Variants in HMCN1 observed in about 807,000 individuals in gnomAD.
The protein encoded by HMCN1 is hemicentin 1, also known as hemicentin-1.
In HMCN1, 321 loss-of-function variants were observed where a neutral mutation model predicts 625.9. The ratio of observed to expected loss-of-function variants is 0.51; its 90% confidence interval spans 0.47 to 0.56. The LOEUF (loss-of-function observed/expected upper bound fraction) is 0.56. Among genes scored for constraint, HMCN1 ranks in the 20% least tolerant of loss-of-function variants. HMCN1 has a pLI of 0.00. For synonymous variants in HMCN1, 2,425 were observed against 2,417.6 expected, an observed-to-expected ratio of 1.00 and a Z score of -0.09; for missense variants, 6,588 against 6,887.3, an observed-to-expected ratio of 0.96 and a Z score of 1.54.
chr1:185,980,431 C>A (rs1474020859), intron 16 of HMCN1, among the ~76,000 whole-genome samples: 1 of 152,198 alleles, frequency 6.6e-6, no homozygotes, highest in Non-Finnish European at 1.5e-5. Flanking sequence ...ATGAAATACA[C>A]ACATTTCAGT....
intron 35 of HMCN1, among the ~76,000 whole-genome samples, chr1:186,021,698 G>A (rs761957783): frequency 6.6e-6 from 1 of 152,050 alleles, no homozygotes; most frequent in Non-Finnish European, 1.5e-5. Flanking sequence ...ATCATTTGGG[G>A]TCAGAATGTG....
intron 35 of HMCN1, among the ~76,000 whole-genome samples, chr1:186,022,549 G>A (rs1654792050): frequency 6.6e-6 from 1 of 152,070 alleles, no homozygotes; most frequent in Non-Finnish European, 1.5e-5. Flanking sequence ...AGTTGCAGTA[G>A]GTTTAAGAGG....
chr1:186,000,378 G>T, intron 26 of HMCN1, 139 bp downstream of exon 26: 1 of 669,930 alleles, frequency 1.5e-6, no homozygotes, highest in Non-Finnish European at 2.6e-6. Flanking sequence ...TGGTATGATT[G>T]CATTTATTAT....
At chr1:185,937,359 A>T (rs1426929947) in intron 11 of HMCN1, among the ~76,000 whole-genome samples, 3 of 152,166 alleles carry the variant, frequency 2.0e-5, no homozygotes, top group Admixed American at 2.0e-4. Flanking sequence ...TTGCATCAGC[A>T]CATGGTGGAA....
intron 1 of HMCN1, among the ~76,000 whole-genome samples, chr1:185,782,544 G>C (rs538433882): frequency 6.6e-6 from 1 of 152,230 alleles, no homozygotes; most frequent in Non-Finnish European, 1.5e-5. Context: ...CAGGCCTGGT[G>C]GTGACAAAAT....
chr1:186,160,808 T>G (rs1362569297), intron 97 of HMCN1, among the ~76,000 whole-genome samples: 3 of 151,342 alleles, frequency 2.0e-5, no homozygotes, highest in African/African-American at 7.4e-5. Context: ...ATCTCTGTTC[T>G]TTTACATTTG....
At chr1:185,835,892 A>C (rs1484157327) in intron 1 of HMCN1, among the ~76,000 whole-genome samples, 1 of 152,192 alleles carries the variant, frequency 6.6e-6, no homozygotes, top group African/African-American at 2.4e-5. Context: ...AAGTCTGAAC[A>C]GTGTTTCATT....
rs115358072 is a variant in HMCN1, at chr1:185,998,681, T to G, written c.3874+1157T>G. Among the ~76,000 whole-genome samples, 682 of 152,256 alleles carry G rather than the reference T, an allele frequency of 4.5e-3. 1 individual carries two copies. The highest frequency in any genetic ancestry group is 0.016 in the African/African-American group (656 of 41,556). ...CCTAGAAAAACATCTCTTCCTTACT[T>G]CCTCATTTTCACCTGGAATATAATG... is the stretch of plus-strand genomic sequence containing the variant. On this transcript the variant is annotated intron_variant, in intron 25 of 106. Transcript: ENST00000271588.
At chr1:185,887,222 A>T (rs981552856) in intron 4 of HMCN1, among the ~76,000 whole-genome samples, 1 of 152,146 alleles carries the variant, frequency 6.6e-6, no homozygotes, top group East Asian at 1.9e-4. Flanking sequence ...AAAATATGTT[A>T]TGACACATTT....
rs41533044 is a variant in HMCN1 at position 185,922,253 on chromosome 1, T to G, written c.901-126T>G. The G allele has an allele frequency of 0.015, 15,713 of 1,032,452 alleles. 1,490 individuals are homozygous for G. The African/African-American group carries it at 0.21, about 14-fold the overall frequency. 64.0% of individuals were successfully genotyped at this position (1,032,452 alleles called of 1,614,324 possible). A position where few individuals can be genotyped will look rare whatever the true frequency, so the allele number is the denominator to read the frequency against. On this transcript the variant is annotated intron_variant, in intron 6 of 106. Transcript: ENST00000271588. ...TCCTAGTTATGTTGAGAACATCAGA[T>G]CAGAGCCTCAGTTTTTGGACATCGA... is the stretch of plus-strand genomic sequence containing the variant.
At chr1:186,044,285 C>T (rs150371877) in intron 40 of HMCN1, among the ~76,000 whole-genome samples, 7 of 152,208 alleles carry the variant, frequency 4.6e-5, no homozygotes, top group African/African-American at 9.6e-5. Context: ...GCAGAAGGAA[C>T]GAAGGAACAT....
In HMCN1 at chr1:185,911,754, C is replaced by T; in HGVS notation, c.874C>T (p.Pro292Ser). The T allele has an allele frequency of 6.2e-7, 1 of 1,612,546 alleles. No homozygotes were observed. Among genetic ancestry groups the T allele is most frequent in the East Asian group, 2.2e-5 (1 of 44,838 alleles). The change falls in exon 6 of 107, where the codon CCA (proline) becomes TCA (serine). Residue 292 changes from proline (P) to serine (S), a missense_variant. This residue lies in a region of HMCN1 where 4,628 missense variants were observed against 4,853.1 expected (regional missense o/e 0.95). Coordinates refer to ENST00000271588, the MANE Select transcript of HMCN1 (RefSeq NM_031935.3). ...TGCCAAAGTAGTGAATGTGAAAGAG[C>T]CAGAGGCTGGAATGTGGACAGTGAA... ...NSAKVVNVKEPEAGMWTVKTS... is the reference protein window; with the variant it reads ...NSAKVVNVKESEAGMWTVKTS...
intron 97 of HMCN1, among the ~76,000 whole-genome samples, chr1:186,159,651 G>T (rs1328125579): frequency 6.6e-6 from 1 of 152,148 alleles, no homozygotes. Flanking sequence ...TTTTGTCAAA[G>T]GCCTTTTCTG....
chr1:185,880,101 A>C (rs1209250617), intron 4 of HMCN1, among the ~76,000 whole-genome samples: 1 of 152,116 alleles, frequency 6.6e-6, no homozygotes, highest in Non-Finnish European at 1.5e-5. Flanking sequence ...ACTTTCATCA[A>C]ATAGAGTTGT....
chr1:185,959,497 A>G (rs1341360200), intron 11 of HMCN1, among the ~76,000 whole-genome samples: 1 of 152,168 alleles, frequency 6.6e-6, no homozygotes, highest in Non-Finnish European at 1.5e-5. Flanking sequence ...ATTGATAGGA[A>G]ATTACAAAAA....
Position 186,069,685 on chromosome 1 carries a change from C to T in HMCN1, c.7902C>T (p.Leu2634=), listed in dbSNP as rs778565039. The change falls in exon 51 of 107, where the codon CTC becomes CTT. Residue 2634 remains leucine, a synonymous_variant. Coordinates refer to ENST00000271588, the MANE Select transcript of HMCN1 (RefSeq NM_031935.3). Reference sequence around the variant, plus strand: ...CAGGAGGCAGAACTCTGCAGATCCTCAATGCACAGGAGGACAATGCTGGAA... The same window carrying T: ...CAGGAGGCAGAACTCTGCAGATCCTTAATGCACAGGAGGACAATGCTGGAA... The part of the protein sequence containing the change: ...ILPGGRTLQI[L]NAQEDNAGRY... The T allele has an allele frequency of 1.2e-6, 2 of 1,612,572 alleles. No homozygotes were observed. Among genetic ancestry groups the T allele is most frequent in the South Asian group, 2.2e-5 (2 of 90,576 alleles).
Position 186,136,004 on chromosome 1 carries a change from C to T in HMCN1, c.13313-664C>T, listed in dbSNP as rs535851322. Among the ~76,000 whole-genome samples, 15 of 152,156 alleles carry T rather than the reference C, an allele frequency of 9.9e-5. No homozygotes were observed. In the South Asian group the frequency reaches 3.1e-3, roughly 32 times the overall value. The stretch of plus-strand genomic sequence containing the variant: ...TACATGTTTATTGAATAAATGATGG[C>T]CAGTGGTAAAAGAATGAGTTAATTA... On this transcript the variant is annotated intron_variant, in intron 86 of 106. Transcript: ENST00000271588.
intron 100 of HMCN1, among the ~76,000 whole-genome samples, chr1:186,168,447 CAA>C (rs35413214): frequency 2.7e-4 from 33 of 122,540 alleles, no homozygotes; most frequent in Admixed American, 2.5e-4. Context: ...GACTCTGTTT[CAA>C]AAAAAAAAAA....
chr1:185,769,446 C>T (rs780034988), intron 1 of HMCN1, among the ~76,000 whole-genome samples: 4 of 149,682 alleles, frequency 2.7e-5, no homozygotes, highest in Admixed American at 6.6e-5. Context: ...AACCCTGTCT[C>T]AAAAAAAGAA....
Sources: gnomAD v4.1 joint callset for allele counts (sites outside exome capture counted in the v4.1 genomes callset) on GRCh38, gnomAD v4.1.1 for gene constraint, gnomAD v4.1.1 regional missense constraint, MANE v1.5 for transcripts, NCBI Gene and HGNC (gene_info 2026-07-23, HGNC 2026-07-21) for gene names.